The following IL1RAPL2 variants were observed in gnomAD, a reference collection of about 807,000 sequenced individuals.
The protein encoded by IL1RAPL2 is X-linked interleukin-1 receptor accessory protein-like 2.
In IL1RAPL2, 3 loss-of-function variants were observed where a neutral mutation model predicts 44.1. That is an observed-to-expected ratio of 0.07 (90% CI 0.03 to 0.18). IL1RAPL2 has a LOEUF of 0.18. Ranked by LOEUF, IL1RAPL2 falls within the 10% of genes least tolerant of loss-of-function variation. IL1RAPL2 has a pLI of 1.00. For synonymous variants in IL1RAPL2, 181 were observed against 178.8 expected, an observed-to-expected ratio of 1.01 and a Z score of -0.10; for missense variants, 391 against 496.4, an observed-to-expected ratio of 0.79 and a Z score of 2.02.
intron 5 of IL1RAPL2, among the ~76,000 whole-genome samples, chrX:105,373,779 T>C (rs1040818129): frequency 9.1e-6 from 1 of 110,316 alleles, no homozygotes; most frequent in South Asian, 3.9e-4. Context: ...AATAAATGAG[T>C]AGGGAGTCCT....
chrX:105,130,951 C>T (rs953163003), intron 2 of IL1RAPL2, among the ~76,000 whole-genome samples: 1 of 110,868 alleles, frequency 9.0e-6, no homozygotes, highest in Non-Finnish European at 1.9e-5. Flanking sequence ...AGAGGAAAAG[C>T]AAATGTTAGA....
chrX:104,616,059 A>AG (rs1421187178), intron 1 of IL1RAPL2, among the ~76,000 whole-genome samples: 8 of 98,911 alleles, frequency 8.1e-5, no homozygotes, highest in African/African-American at 3.9e-4. Flanking sequence ...TCCTTTGCCT[A>AG]CTTTTAATGG....
At chrX:105,297,553 AG>A (rs1191328802) in intron 5 of IL1RAPL2, among the ~76,000 whole-genome samples, 2 of 110,695 alleles carry the variant, frequency 1.8e-5, no homozygotes, top group Non-Finnish European at 3.8e-5. Context: ...CAAAGCAGCA[AG>A]AGAGCAAGTG....
intron 5 of IL1RAPL2, among the ~76,000 whole-genome samples, chrX:105,290,400 G>C (rs1300170580): frequency 9.1e-6 from 1 of 109,765 alleles, no homozygotes; most frequent in East Asian, 2.9e-4. Flanking sequence ...GGTGGGAGAA[G>C]GCTTTTCAAA....
At chrX:105,365,985 T>G (rs4826919) in intron 5 of IL1RAPL2, among the ~76,000 whole-genome samples, 21,271 of 108,215 alleles carry the variant, frequency 0.2, 2,076 homozygotes, top group Middle Eastern at 0.32. Flanking sequence ...TTCACTCTTG[T>G]TGCCCAGGCT....
chrX:104,910,226 C>A (rs1006847535), intron 2 of IL1RAPL2, among the ~76,000 whole-genome samples: 6 of 111,755 alleles, frequency 5.4e-5, no homozygotes, highest in Non-Finnish European at 1.1e-4. Context: ...TCACGGTGCG[C>A]GCACCCACTG....
intron 5 of IL1RAPL2, among the ~76,000 whole-genome samples, chrX:105,354,050 TATG>T (rs1275432865): frequency 9.3e-4 from 103 of 111,281 alleles, no homozygotes; most frequent in Non-Finnish European, 1.8e-3. Context: ...GCCCATTCAG[TATG>T]ATATTGGCTG....
intron 1 of IL1RAPL2, among the ~76,000 whole-genome samples, chrX:104,608,014 T>C (rs1929054124): frequency 9.0e-6 from 1 of 111,030 alleles, no homozygotes; most frequent in African/African-American, 3.3e-5. Context: ...ATAAAGAAAA[T>C]GTGGCACATA....
chrX:104,660,743 C>T (rs1436694059), intron 2 of IL1RAPL2, among the ~76,000 whole-genome samples: 1 of 106,537 alleles, frequency 9.4e-6, no homozygotes, highest in African/African-American at 3.4e-5. Flanking sequence ...TTGAGACCAG[C>T]CTGGGTAACA....
At chrX:105,456,904 G>T (rs1282492234) in intron 5 of IL1RAPL2, among the ~76,000 whole-genome samples, 4 of 110,767 alleles carry the variant, frequency 3.6e-5, no homozygotes, top group Non-Finnish European at 1.9e-5. Context: ...TCATTTTAAA[G>T]TATCCTTTAC....
chrX:104,656,832 G>A (rs1475307061), intron 1 of IL1RAPL2, among the ~76,000 whole-genome samples: 1 of 111,355 alleles, frequency 9.0e-6, no homozygotes, highest in African/African-American at 3.3e-5. Context: ...AGGTCTCTAA[G>A]GACTTGTTTT....
intron 3 of IL1RAPL2, among the ~76,000 whole-genome samples, chrX:105,206,677 A>G (rs1190911511): frequency 2.7e-5 from 3 of 112,219 alleles, no homozygotes; most frequent in Non-Finnish European, 5.6e-5. Flanking sequence ...GCAATGAAAT[A>G]GAGATTCCAA....
At chrX:105,076,926 T>A (rs1385386552) in intron 2 of IL1RAPL2, among the ~76,000 whole-genome samples, 3 of 110,644 alleles carry the variant, frequency 2.7e-5, no homozygotes, top group African/African-American at 9.9e-5. Context: ...TTATTTTGAG[T>A]CTATGTGTGT....
At chrX:104,910,517 T>C in intron 2 of IL1RAPL2, among the ~76,000 whole-genome samples, 1 of 111,744 alleles carries the variant, frequency 8.9e-6, no homozygotes, top group East Asian at 2.8e-4. Flanking sequence ...ATCCCTCCCC[T>C]AGCCCCCTGT....
chrX:104,930,869 G>A (rs1924881534), intron 2 of IL1RAPL2, among the ~76,000 whole-genome samples: 1 of 111,302 alleles, frequency 9.0e-6, no homozygotes, highest in African/African-American at 3.3e-5. Flanking sequence ...GAGGCTTAGA[G>A]AAAATAAACA....
chrX:104,616,804 A>G (rs912162720), intron 1 of IL1RAPL2, among the ~76,000 whole-genome samples: 4 of 111,360 alleles, frequency 3.6e-5, no homozygotes, highest in Non-Finnish European at 7.5e-5. Flanking sequence ...CTCCTCCCTG[A>G]ATGCTCGGAG....
chrX:105,309,024 AAATT>A (rs755747538), intron 5 of IL1RAPL2, among the ~76,000 whole-genome samples: 13 of 110,351 alleles, frequency 1.2e-4, no homozygotes, highest in South Asian at 7.8e-4. Context: ...TAATTTAATT[AAATT>A]AATTAATTAA....
At chrX:105,518,380 C>T (rs746783250) in intron 6 of IL1RAPL2, among the ~76,000 whole-genome samples, 1 of 111,215 alleles carries the variant, frequency 9.0e-6, no homozygotes, top group South Asian at 3.8e-4. Context: ...TAATTAGCAA[C>T]ATTTAAAAGA....
chrX:105,314,037 C>T (rs756382963), intron 5 of IL1RAPL2, among the ~76,000 whole-genome samples: 47 of 112,064 alleles, frequency 4.2e-4, no homozygotes, highest in Non-Finnish European at 7.7e-4. Flanking sequence ...CTATCTGACA[C>T]ATTGTGCTTC....
Sources: allele counts gnomAD v4.1 joint callset (sites outside exome capture counted in the v4.1 genomes callset), GRCh38; gene constraint gnomAD v4.1.1; transcripts MANE v1.5; gene names NCBI Gene and HGNC (gene_info 2026-07-23, HGNC 2026-07-21).